Variants in CPQ observed in about 807,000 individuals in gnomAD.
CPQ encodes the protein Ser-Met dipeptidase.
A neutral mutation model predicts 45.7 loss-of-function variants in CPQ; 37 were observed. That is an observed-to-expected ratio of 0.81 (90% confidence interval 0.62 to 1.07). CPQ has a LOEUF of 1.07. CPQ is among the 50% of genes least tolerant of loss of function. CPQ has a pLI of 0.00. For synonymous variants in CPQ, 186 were observed against 205.8 expected (o/e 0.90, Z 0.82); for missense variants, 537 against 572.9 (o/e 0.94, Z 0.64).
intron 1 of CPQ, among the ~76,000 whole-genome samples, chr8:96,783,921 GTT>G (rs1810723620): frequency 6.6e-6 from 1 of 152,072 alleles, no homozygotes; most frequent in African/African-American, 2.4e-5. Flanking sequence ...GTAAAAAACA[GTT>G]TGTGGACTGG....
In CPQ at chr8:97,005,645, A is replaced by C. The variant is rs79681041; in HGVS notation, c.962-23758A>C. On this transcript the variant is annotated intron_variant, in intron 5 of 7. Transcript: ENST00000220763. ...TAAGAGCGTGAAAGGTGGCAAGAAAAGTTCTATCATAGCTTAGATCCTAAA... is the reference window on the plus strand; with the variant it reads ...TAAGAGCGTGAAAGGTGGCAAGAAACGTTCTATCATAGCTTAGATCCTAAA... Among the ~76,000 whole-genome samples the C allele has an allele frequency of 3.8e-3, 584 of 152,268 alleles. 5 individuals are homozygous for C. Among genetic ancestry groups the C allele is most frequent in the African/African-American group, 0.013 (540 of 41,582 alleles).
intron 2 of CPQ, among the ~76,000 whole-genome samples, chr8:96,793,939 G>A (rs2130816850): frequency 6.6e-6 from 1 of 152,324 alleles, no homozygotes; most frequent in African/African-American, 2.4e-5. Flanking sequence ...AATGCAAAAT[G>A]TGGGTTGCCA....
intron 4 of CPQ, among the ~76,000 whole-genome samples, chr8:96,931,695 C>T (rs74316480): frequency 3.6e-4 from 55 of 152,294 alleles, no homozygotes; most frequent in Admixed American, 5.9e-4. Context: ...GGGACTAACA[C>T]GACAGTGGTC....
chr8:96,781,394 A>G (rs1291005524), intron 1 of CPQ, among the ~76,000 whole-genome samples: 5 of 152,160 alleles, frequency 3.3e-5, no homozygotes, highest in Admixed American at 3.3e-4. Flanking sequence ...GTGGAAGGGC[A>G]AGAGAGGGAG....
chr8:96,975,845 G>C (rs1190410028), intron 5 of CPQ, among the ~76,000 whole-genome samples: 1 of 151,938 alleles, frequency 6.6e-6, no homozygotes, highest in Non-Finnish European at 1.5e-5. Context: ...GACATACCTT[G>C]AGGTAATAAT....
intron 6 of CPQ, among the ~76,000 whole-genome samples, chr8:97,040,112 G>C (rs1403258309): frequency 6.7e-6 from 1 of 148,688 alleles, no homozygotes; most frequent in African/African-American, 2.5e-5. Context: ...GTGTAAAAGT[G>C]TTCCTATTTC....
chr8:96,791,597 G>A (rs536009633), intron 2 of CPQ, among the ~76,000 whole-genome samples: 6 of 152,278 alleles, frequency 3.9e-5, no homozygotes, highest in Admixed American at 3.9e-4. Flanking sequence ...GTTCCATGGG[G>A]CTCAAAGTAG....
At position 96,898,472 on chromosome 8, in the gene CPQ, G is replaced by T. The variant is rs574700414; in HGVS notation, c.849+18467G>T. 8.5e-5 allele frequency among the ~76,000 whole-genome samples: 13 copies of T among 152,194 alleles called. No individual in the cohort carries two copies. In the South Asian group the frequency reaches 2.5e-3, roughly 29 times the overall value. On this transcript the variant is annotated intron_variant, in intron 4 of 7. Coordinates refer to ENST00000220763, the MANE Select transcript of CPQ (RefSeq NM_016134.4). ...CAGAATCACTGAAAGTGCTTGCGAA[G>T]AATATCCAACTATTCAAATTATGAA...
intron 1 of CPQ, among the ~76,000 whole-genome samples, chr8:96,754,604 T>C (rs1488230408): frequency 1.3e-5 from 2 of 152,084 alleles, no homozygotes; most frequent in African/African-American, 4.8e-5. Flanking sequence ...AAATTTTCCA[T>C]GGCTATTCAG....
chr8:96,913,573 A>G (rs1192668186), intron 4 of CPQ, among the ~76,000 whole-genome samples: 1 of 152,170 alleles, frequency 6.6e-6, no homozygotes, highest in Non-Finnish European at 1.5e-5. Context: ...TTCAAGCTTT[A>G]TTGGATGATA....
At chr8:97,002,123 G>A (rs1037546180) in intron 5 of CPQ, among the ~76,000 whole-genome samples, 10 of 151,764 alleles carry the variant, frequency 6.6e-5, no homozygotes, top group Non-Finnish European at 2.9e-5. Flanking sequence ...CCCCCTTATC[G>A]TTTTTGATTA....
At chr8:97,030,828 C>T (rs1405275010) in intron 6 of CPQ, among the ~76,000 whole-genome samples, 1 of 152,152 alleles carries the variant, frequency 6.6e-6, no homozygotes, top group African/African-American at 2.4e-5. Context: ...TACATCTAAG[C>T]TGAGACCTGA....
At chr8:96,818,693 T>TA (rs556116930) in intron 2 of CPQ, among the ~76,000 whole-genome samples, 28 of 152,164 alleles carry the variant, frequency 1.8e-4, no homozygotes, top group Admixed American at 5.9e-4. Context: ...GATACAGACA[T>TA]ATGTCCTTGT....
intron 4 of CPQ, among the ~76,000 whole-genome samples, chr8:96,917,273 G>C (rs897481384): frequency 6.6e-6 from 1 of 151,814 alleles, no homozygotes; most frequent in Non-Finnish European, 1.5e-5. Flanking sequence ...TTATTTTATA[G>C]CTTATTTATA....
chr8:96,747,127 C>T (rs1157910287), intron 1 of CPQ, among the ~76,000 whole-genome samples: 4 of 151,976 alleles, frequency 2.6e-5, no homozygotes, highest in Non-Finnish European at 5.9e-5. Flanking sequence ...GCTGTCTCTA[C>T]TAAAAATACA....
At chr8:96,647,070 G>A (rs2704247) in intron 1 of CPQ, among the ~76,000 whole-genome samples, 28,368 of 152,046 alleles carry the variant, frequency 0.19, 2,834 homozygotes, top group African/African-American at 0.26. Context: ...CTATTTCTTC[G>A]CATGCATTTG....
intron 1 of CPQ, among the ~76,000 whole-genome samples, chr8:96,734,756 A>T (rs1009783932): frequency 6.6e-6 from 1 of 151,728 alleles, no homozygotes; most frequent in African/African-American, 2.4e-5. Context: ...AAAATAAAAT[A>T]AAATAAAAAA....
chr8:97,110,876 A>G (rs1302436377), intron 7 of CPQ, among the ~76,000 whole-genome samples: 2 of 152,098 alleles, frequency 1.3e-5, no homozygotes, highest in African/African-American at 2.4e-5. Context: ...CCAAATCAAT[A>G]TGATCCGACT....
At chr8:96,801,235 C>A (rs777312881) in intron 2 of CPQ, among the ~76,000 whole-genome samples, 9 of 152,078 alleles carry the variant, frequency 5.9e-5, no homozygotes, top group Non-Finnish European at 1.0e-4. Context: ...CCTTGACCTC[C>A]CAAAGTGCTG....
Sources: allele counts gnomAD v4.1 joint callset (sites outside exome capture counted in the v4.1 genomes callset), GRCh38; gene constraint gnomAD v4.1.1; transcripts MANE v1.5; gene names NCBI Gene and HGNC (gene_info 2026-07-23, HGNC 2026-07-21).